RBM33: variants seen among roughly 807,000 people sequenced by gnomAD.
RBM33 encodes the protein RNA-binding protein 33.
Under a neutral mutation model 132.6 loss-of-function variants are expected in RBM33, and 28 were observed. The observed-to-expected ratio is 0.21, with a 90% CI of 0.16 to 0.29. The LOEUF (loss-of-function observed/expected upper bound fraction) is 0.29. Among genes scored for constraint, RBM33 ranks in the 10% least tolerant of loss-of-function variants. RBM33 has a pLI of 1.00. For synonymous variants in RBM33, 634 were observed against 593.0 expected (o/e 1.07, Z -1.01); for missense variants, 1,291 against 1,518.5 (o/e 0.85, Z 2.49).
chr7:155,711,393 A>G lies in RBM33; in HGVS notation c.1139A>G (p.Gln380Arg). ...MMMTPPPVTP[Q>R]QPKNIHINPH... ...ATGACCCCGCCACCCGTGACTCCAC[A>G]GCAGCCCAAGAACATACACATCAAC... Residue 380 changes from glutamine to arginine, a missense_variant, in exon 8 of 18, where the codon CAG becomes CGG. Physicochemically the swap from Gln to Arg is conservative, Grantham distance 43 (BLOSUM62 1). Around this residue, in one of 7 missense-constraint regions of RBM33, gnomAD observed 146 missense variants for 137.1 expected, o/e 1.07. Coordinates refer to ENST00000401878, the MANE Select transcript of RBM33 (RefSeq NM_053043.3). 1 of 1,572,082 alleles carries G rather than the reference A, an allele frequency of 6.4e-7. No homozygotes were observed. Among genetic ancestry groups the G allele is most frequent in the Non-Finnish European group, 8.6e-7 (1 of 1,159,918 alleles).
intron 8 of RBM33, among the ~76,000 whole-genome samples, chr7:155,717,483 T>A (rs1205964698): frequency 2.8e-5 from 4 of 140,922 alleles, no homozygotes; most frequent in African/African-American, 1.1e-4. Context: ...TCCAGTTACA[T>A]TCTGAGGTAC....
chr7:155,692,730 G>A (rs532990791), intron 5 of RBM33, among the ~76,000 whole-genome samples: 3 of 152,190 alleles, frequency 2.0e-5, no homozygotes, highest in Non-Finnish European at 4.4e-5. Flanking sequence ...CTTGCAAGTA[G>A]AGTAAAATCT....
intron 1 of RBM33, among the ~76,000 whole-genome samples, chr7:155,651,257 A>G (rs1798345521): frequency 6.6e-6 from 1 of 152,124 alleles, no homozygotes; most frequent in African/African-American, 2.4e-5. Flanking sequence ...TTTAATTTTC[A>G]CAACTTGATT....
At chr7:155,733,451 A>G (rs1457870735) in intron 9 of RBM33, among the ~76,000 whole-genome samples, 1 of 152,246 alleles carries the variant, frequency 6.6e-6, no homozygotes. Context: ...AAATACTAAA[A>G]TAGGGTTGTG....
At position 155,737,600 on chromosome 7, in the gene RBM33, C is replaced by T. The variant is rs1801170770; in HGVS notation, c.1331C>T (p.Pro444Leu). 1.9e-6 allele frequency: 3 copies of T among 1,613,190 alleles called. No individual in the cohort carries two copies. The highest frequency in any genetic ancestry group is 4.5e-5 in the East Asian group (2 of 44,852). Reference protein sequence around the residue: ...PNSFSQPPRLPLQDQWRAPPP... With the variant: ...PNSFSQPPRLLLQDQWRAPPP... Reference sequence around the variant, plus strand: ...AGTTTCAGCCAGCCCCCACGACTCCCTCTCCAGGACCAGTGGAGAGCCCCA... The same window carrying T: ...AGTTTCAGCCAGCCCCCACGACTCCTTCTCCAGGACCAGTGGAGAGCCCCA... Residue 444 changes from proline to leucine, a missense_variant, in exon 10 of 18, where the codon CCT becomes CTT. Physicochemically the swap from Pro to Leu is moderately conservative, Grantham distance 98. Around this residue, in one of 7 missense-constraint regions of RBM33, gnomAD observed 841 missense variants for 912.0 expected, o/e 0.92. Coordinates refer to ENST00000401878, the MANE Select transcript of RBM33 (RefSeq NM_053043.3).
chr7:155,707,066 GT>G lies in RBM33; in HGVS notation c.947del (p.Val316GlyfsTer50), dbSNP rs1800138464. On this transcript the variant is annotated frameshift_variant and splice_region_variant, in exon 7 of 18. Coordinates refer to ENST00000401878, the MANE Select transcript of RBM33 (RefSeq NM_053043.3). LOFTEE classifies it high-confidence loss of function. Reference protein sequence around the residue: ...PALLPTQPPVVPQAPPPPPPP... With the variant: ...PALLPTQPPVXPQAPPPPPPP... ...GCTGCTTCCTACACAGCCTCCTGTC[GT>G]GGTAACTTCAGATTTTCTTGTAGTA... 6.5e-7 allele frequency: 1 copy of G among 1,539,002 alleles called. No homozygotes were observed. Among genetic ancestry groups the G allele is most frequent in the Non-Finnish European group, 8.8e-7 (1 of 1,141,930 alleles).
At chr7:155,674,769 G>A (rs980609176) in intron 3 of RBM33, among the ~76,000 whole-genome samples, 4 of 152,290 alleles carry the variant, frequency 2.6e-5, no homozygotes, top group South Asian at 4.1e-4. Context: ...AGTGCATTCC[G>A]ACGCCTCAGT....
intron 16 of RBM33, among the ~76,000 whole-genome samples, chr7:155,772,171 A>AC (rs1338092340): frequency 2.2e-5 from 3 of 139,302 alleles, no homozygotes; most frequent in Non-Finnish European, 5.0e-5. Flanking sequence ...TGTTGTTTAA[A>AC]CCCCCCAGGA....
intron 9 of RBM33, among the ~76,000 whole-genome samples, 162 bp downstream of exon 9, chr7:155,718,605 G>T (rs1050843384): frequency 2.0e-5 from 3 of 152,178 alleles, no homozygotes; most frequent in African/African-American, 7.2e-5. Context: ...AAAGCTTAAG[G>T]TCAGTGGATT....
intron 1 of RBM33, among the ~76,000 whole-genome samples, chr7:155,652,786 T>G (rs1798392544): frequency 2.0e-5 from 3 of 152,240 alleles, no homozygotes; most frequent in Non-Finnish European, 4.4e-5. Flanking sequence ...CTGTTCTTCC[T>G]TTAAAGTTCT....
At chr7:155,732,764 A>G (rs1453271757) in intron 9 of RBM33, among the ~76,000 whole-genome samples, 3 of 152,208 alleles carry the variant, frequency 2.0e-5, no homozygotes, top group Non-Finnish European at 4.4e-5. Context: ...CCTTGCAGGC[A>G]GAGGGGACAG....
At chr7:155,750,647 G>A (rs957745295) in intron 14 of RBM33, among the ~76,000 whole-genome samples, 5 of 152,006 alleles carry the variant, frequency 3.3e-5, no homozygotes, top group Non-Finnish European at 7.4e-5. Context: ...TCATAATCAT[G>A]TAAAGTTAGT....
chr7:155,759,414 TC>T (rs1243694396), intron 14 of RBM33, among the ~76,000 whole-genome samples: 1 of 138,648 alleles, frequency 7.2e-6, no homozygotes, highest in African/African-American at 2.9e-5. Context: ...ATGTTTATGT[TC>T]TTTTTTTTTT....
intron 14 of RBM33, among the ~76,000 whole-genome samples, chr7:155,755,726 A>G (rs560917114): frequency 1.3e-5 from 2 of 152,368 alleles, no homozygotes; most frequent in African/African-American, 4.8e-5. Flanking sequence ...GTCAAATTGC[A>G]GGAAGCCCTG....
rs1802639527 is a variant in RBM33, at chr7:155,777,111, T to C, written c.*2070T>C. 6.6e-6 allele frequency: 1 copy of C among 152,502 alleles called. No homozygotes were observed. The highest frequency in any genetic ancestry group is 1.5e-5 in the Non-Finnish European group (1 of 68,034). 9.4% of individuals were successfully genotyped at this position (152,502 alleles called of 1,614,324 possible). A position where few individuals can be genotyped will look rare whatever the true frequency, so the allele number is the denominator to read the frequency against. On this transcript the variant is annotated 3_prime_UTR_variant, in exon 18 of 18. Coordinates refer to ENST00000401878, the MANE Select transcript of RBM33 (RefSeq NM_053043.3). ...CTGTGTTTAAAACCAAAAATATGCA[T>C]GTTGTCTCTGAAAAGTAGGCATTGA...
At chr7:155,659,500 A>G (rs1798582551) in intron 1 of RBM33, among the ~76,000 whole-genome samples, 1 of 152,140 alleles carries the variant, frequency 6.6e-6, no homozygotes, top group Non-Finnish European at 1.5e-5. Flanking sequence ...AGCAAGCAGA[A>G]GAATCAGCAA....
At chr7:155,724,330 A>G (rs918641891) in intron 9 of RBM33, among the ~76,000 whole-genome samples, 10 of 152,108 alleles carry the variant, frequency 6.6e-5, no homozygotes, top group Non-Finnish European at 7.4e-5. Context: ...GGAGTTCGAG[A>G]CCAGCCTGGG....
intron 5 of RBM33, among the ~76,000 whole-genome samples, chr7:155,685,301 A>C (rs1350484441): frequency 6.6e-6 from 1 of 152,218 alleles, no homozygotes; most frequent in African/African-American, 2.4e-5. Context: ...GAAATAGTTC[A>C]GAAATGTGAC....
At position 155,745,743 on chromosome 7, in the gene RBM33, TG is replaced by T. The variant is rs1440949673; in HGVS notation, c.2979+143del. 1 of 853,132 alleles carries T rather than the reference TG, an allele frequency of 1.2e-6. No individual in the cohort carries two copies. The highest frequency in any genetic ancestry group is 3.0e-5 in the Admixed American group (1 of 32,884). 52.8% of individuals were successfully genotyped at this position (853,132 alleles called of 1,614,324 possible). On this transcript the variant is annotated intron_variant, in intron 14 of 17. Coordinates refer to ENST00000401878, the MANE Select transcript of RBM33 (RefSeq NM_053043.3). The surrounding 1 kb of genome is among the most constrained non-coding windows in gnomAD (Gnocchi z 4.1). ...TAACCAATCTCTACCTACTTGAAGT[TG>T]GTATAAGAATTGCCGCTTGACGACA...
Sources: allele counts gnomAD v4.1 joint callset (sites outside exome capture counted in the v4.1 genomes callset), GRCh38; gene constraint gnomAD v4.1.1; regional missense constraint gnomAD v4.1.1; non-coding constraint Gnocchi (gnomAD v3.1); transcripts MANE v1.5; gene names NCBI Gene and HGNC (gene_info 2026-07-23, HGNC 2026-07-21).